Variants in MKRN2OS observed in about 807,000 individuals in gnomAD.
The protein encoded by MKRN2OS is MKRN2 opposite strand.
In MKRN2OS, 17 loss-of-function variants were observed where a neutral mutation model predicts 18.2. The observed-to-expected ratio is 0.93, with a 90% CI of 0.64 to 1.40. MKRN2OS has a LOEUF of 1.40. Ranked by LOEUF, MKRN2OS falls within the 40% of genes most tolerant of loss-of-function variation. The pLI is 0.00. For missense variants in MKRN2OS, 337 were observed against 283.0 expected (o/e 1.19, Z -1.37); for synonymous variants, 121 against 108.5 (o/e 1.12, Z -0.72).
chr3:12,555,795 A>G (rs1179074275), intron 1 of MKRN2OS, among the ~76,000 whole-genome samples: 1 of 152,154 alleles, frequency 6.6e-6, no homozygotes, highest in Non-Finnish European at 1.5e-5. Flanking sequence ...ACTATGCTCA[A>G]AGGATCCTTC....
chr3:12,543,986 CA>C (rs899694056), intron 1 of MKRN2OS, among the ~76,000 whole-genome samples: 2 of 152,054 alleles, frequency 1.3e-5, no homozygotes, highest in African/African-American at 4.8e-5. Context: ...GGATAGGAAT[CA>C]GGGGCTTTAT....
intron 1 of MKRN2OS, among the ~76,000 whole-genome samples, chr3:12,558,538 T>A (rs2058005087): frequency 6.8e-6 from 1 of 147,850 alleles, no homozygotes; most frequent in African/African-American, 2.7e-5. Context: ...ACAGTACACA[T>A]TTATGTAATA....
At chr3:12,545,143 C>A (rs1197544521) in intron 1 of MKRN2OS, 104 bp downstream of exon 1, 2 of 924,970 alleles carry the variant, frequency 2.2e-6, no homozygotes, top group Non-Finnish European at 3.1e-6. Context: ...AAAAAATTGT[C>A]CACCAAACCT....
chr3:12,548,413 A>G (rs1399588129), upstream of MKRN2OS, among the ~76,000 whole-genome samples: 1 of 143,336 alleles, frequency 7.0e-6, no homozygotes, highest in Non-Finnish European at 1.5e-5. Flanking sequence ...GCGCCACTGC[A>G]CTCCAGCCTG....
intron 1 of MKRN2OS, chr3:12,557,047 C>A: frequency 7.9e-7 from 1 of 1,265,084 alleles, no homozygotes; most frequent in Non-Finnish European, 1.0e-6. Context: ...CGGCGTGCGC[C>A]GGCGTGACGC....
intron 1 of MKRN2OS, chr3:12,557,147 C>G (rs910785505): frequency 1.3e-6 from 2 of 1,524,796 alleles, no homozygotes; most frequent in Non-Finnish European, 1.8e-6. Context: ...TCAGCCCAGC[C>G]ACCATGAGCA....
chr3:12,556,952 G>A (rs562465994), intron 1 of MKRN2OS: 7 of 473,920 alleles, frequency 1.5e-5, no homozygotes, highest in African/African-American at 1.0e-4. Flanking sequence ...CAGCCGGCCC[G>A]ATCCCCGGTG....
chr3:12,553,825 T>A (rs1190789016), exon 2 of MKRN2OS: 1 of 152,200 alleles, frequency 6.6e-6, no homozygotes, highest in African/African-American at 2.4e-5. Flanking sequence ...TGGAGCTGAA[T>A]CCCAAGTCAG....
downstream of MKRN2OS, among the ~76,000 whole-genome samples, chr3:12,551,221 A>G (rs578066096): frequency 3.6e-4 from 55 of 151,932 alleles, 1 homozygote; most frequent in Admixed American, 2.9e-3. Context: ...GCCCGGGCAC[A>G]ATGGCTCACG....
At chr3:12,544,829 A>AT (rs1212224770) in intron 1 of MKRN2OS, among the ~76,000 whole-genome samples, 28 of 152,318 alleles carry the variant, frequency 1.8e-4, no homozygotes, top group Admixed American at 1.4e-3. Flanking sequence ...CTTCAGTTTA[A>AT]TTTGCCTCCA....
chr3:12,540,549 G>T (rs2057783551), intron 3 of MKRN2OS, 116 bp from the exon 4 acceptor site: 37 of 1,228,216 alleles, frequency 3.0e-5, no homozygotes, highest in Non-Finnish European at 4.2e-5. Flanking sequence ...GCCCCTGCAT[G>T]TGCTGGCTTA....
At chr3:12,545,544 C>T, upstream of MKRN2OS, 1 of 1,060,314 alleles carries the variant, frequency 9.4e-7, no homozygotes, top group Non-Finnish European at 1.3e-6. Flanking sequence ...ATGCACACCG[C>T]CCCAAGGAAC....
At chr3:12,560,939 T>C (rs917294086) in exon 1 of MKRN2OS, 1 of 152,184 alleles carries the variant, frequency 6.6e-6, no homozygotes, top group East Asian at 1.9e-4. Flanking sequence ...CAGTATAACA[T>C]AGATGGAGAG....
chr3:12,556,203 T>C (rs989986491), intron 1 of MKRN2OS, among the ~76,000 whole-genome samples: 16 of 152,228 alleles, frequency 1.1e-4, no homozygotes, highest in African/African-American at 3.9e-4. Flanking sequence ...GGCTATCGCA[T>C]GGCTGGCCAG....
At chr3:12,553,931 G>C (rs1401948180) in exon 2 of MKRN2OS, 1 of 152,122 alleles carries the variant, frequency 6.6e-6, no homozygotes, top group Admixed American at 6.5e-5. Flanking sequence ...CGCTTCTAGG[G>C]GCAGGTCGGC....
intron 1 of MKRN2OS, among the ~76,000 whole-genome samples, chr3:12,544,399 G>A (rs543557798): frequency 6.6e-6 from 1 of 152,258 alleles, no homozygotes; most frequent in South Asian, 2.1e-4. Flanking sequence ...AACCTGGCGG[G>A]GCACAGTGGC....
At chr3:12,550,820 A>G (rs1309495558), downstream of MKRN2OS, among the ~76,000 whole-genome samples, 1 of 34,462 alleles carries the variant, frequency 2.9e-5, no homozygotes, top group Non-Finnish European at 5.6e-5. Flanking sequence ...ATATTTTGTT[A>G]TGTTGGGTTA....
downstream of MKRN2OS, among the ~76,000 whole-genome samples, chr3:12,550,763 C>T (rs2057923753): frequency 6.6e-6 from 1 of 152,168 alleles, no homozygotes; most frequent in South Asian, 2.1e-4. Flanking sequence ...TTGCTGCAGG[C>T]CGGTACGGAT....
upstream of MKRN2OS, chr3:12,545,505 CTTCCTT>C (rs1271379546): frequency 7.8e-6 from 11 of 1,416,534 alleles, no homozygotes; most frequent in Non-Finnish European, 1.0e-5. Flanking sequence ...TTTCCGGAGA[CTTCCTT>C]TTCCTCATTA....
Sources: gnomAD v4.1 joint callset for allele counts (sites outside exome capture counted in the v4.1 genomes callset) on GRCh38, gnomAD v4.1.1 for gene constraint, MANE v1.5 for transcripts, NCBI Gene and HGNC (gene_info 2026-07-23, HGNC 2026-07-21) for gene names.